UNC13C: variants seen among roughly 807,000 people sequenced by gnomAD.
UNC13C encodes protein unc-13 homolog C.
A neutral mutation model predicts 245.4 loss-of-function variants in UNC13C; 174 were observed. That is an observed-to-expected ratio of 0.71 (90% CI 0.63 to 0.80). The LOEUF (loss-of-function observed/expected upper bound fraction) is 0.80. UNC13C is among the 30% of genes least tolerant of loss of function. The pLI is 0.00. For missense variants in UNC13C, 2,829 were observed against 2,602.9 expected (o/e 1.09, Z -1.89); for synonymous variants, 992 against 895.1 (o/e 1.11, Z -1.93).
At chr15:54,210,746 G>A (rs1322747925) in intron 4 of UNC13C, among the ~76,000 whole-genome samples, 4 of 152,102 alleles carry the variant, frequency 2.6e-5, no homozygotes, top group Non-Finnish European at 5.9e-5. Flanking sequence ...CTGATACAAA[G>A]GTCAGAGACA....
At chr15:53,972,636 A>T in the UNC13C span, 1 of 152,180 alleles carries the variant, frequency 6.6e-6, no homozygotes, top group Non-Finnish European at 1.5e-5. Context: ...AAAATTTTGA[A>T]TCCATGCAGT....
At chr15:54,135,239 C>A (rs903973319) in intron 2 of UNC13C, among the ~76,000 whole-genome samples, 2 of 152,136 alleles carry the variant, frequency 1.3e-5, no homozygotes, top group Non-Finnish European at 2.9e-5. Context: ...AATATTTTCT[C>A]CCATTTCACG....
intron 19 of UNC13C, among the ~76,000 whole-genome samples, chr15:54,433,004 A>G (rs1475620000): frequency 6.6e-6 from 1 of 152,132 alleles, no homozygotes; most frequent in Non-Finnish European, 1.5e-5. Context: ...GAAGAAATGG[A>G]TAAATTCATT....
chr15:54,288,627 A>G (rs187275639), intron 10 of UNC13C, among the ~76,000 whole-genome samples: 253 of 152,164 alleles, frequency 1.7e-3, no homozygotes, highest in South Asian at 4.1e-3. Context: ...GAAATTGCAT[A>G]AAACTAAAAA....
intron 19 of UNC13C, among the ~76,000 whole-genome samples, chr15:54,489,467 G>A (rs975032144): frequency 2.6e-5 from 4 of 152,164 alleles, no homozygotes; most frequent in Non-Finnish European, 5.9e-5. Context: ...ACAGGGCAAG[G>A]AGACAGCCTC....
rs890292606 is a variant in UNC13C at position 54,283,496 on chromosome 15, G to C, written c.3819-10399G>C. ...AATTGATTATGATTTTATTGTATCA[G>C]TATATATACATTATTTAATCAATCT... On this transcript the variant is annotated intron_variant, in intron 10 of 32. Transcript: ENST00000260323. 2.0e-5 allele frequency among the ~76,000 whole-genome samples: 3 copies of C among 151,870 alleles called. No individual in the cohort carries two copies. The East Asian group carries it at 5.8e-4, about 29-fold the overall frequency.
chr15:54,027,265 C>T (rs935018004), intron 2 of UNC13C, among the ~76,000 whole-genome samples: 6 of 151,634 alleles, frequency 4.0e-5, no homozygotes, highest in South Asian at 2.1e-4. Flanking sequence ...TTGAATTTTT[C>T]GGAGATTTTA....
At chr15:54,164,190 C>T (rs9920050) in intron 4 of UNC13C, among the ~76,000 whole-genome samples, 97,498 of 152,006 alleles carry the variant, frequency 0.64, 32,617 homozygotes, top group African/African-American at 0.84. Context: ...AAGGTAATTA[C>T]ATGTAAATAG....
At chr15:54,066,279 C>T (rs1566987286) in intron 2 of UNC13C, among the ~76,000 whole-genome samples, 1 of 152,182 alleles carries the variant, frequency 6.6e-6, no homozygotes, top group Non-Finnish European at 1.5e-5. Flanking sequence ...CAGCCTAGCA[C>T]ATAATAAGAG....
the UNC13C span, among the ~76,000 whole-genome samples, chr15:53,969,310 A>G: frequency 2.0e-5 from 3 of 152,168 alleles, no homozygotes; most frequent in Admixed American, 6.5e-5. Flanking sequence ...CTCAGGGTGG[A>G]GAGAGTTGCA....
At chr15:54,248,789 A>C (rs1333571291) in intron 7 of UNC13C, among the ~76,000 whole-genome samples, 1 of 152,156 alleles carries the variant, frequency 6.6e-6, no homozygotes, top group Non-Finnish European at 1.5e-5. Context: ...CTAGCCATTC[A>C]AAATTAGAAA....
At position 54,519,615 on chromosome 15, in the gene UNC13C, A is replaced by G. The variant is rs118011464; in HGVS notation, c.5458-5934A>G. ...GCATAACATTCATGCAAATCTGAAT[A>G]GGATAAAGAAAATGCCATAGTCTGT... On this transcript the variant is annotated intron_variant, in intron 24 of 32. Coordinates refer to ENST00000260323, the MANE Select transcript of UNC13C (RefSeq NM_001080534.3). Among the ~76,000 whole-genome samples the G allele has an allele frequency of 1.8e-4, 28 of 152,344 alleles. 1 individual carries two copies. The East Asian group carries it at 5.0e-3, about 27-fold the overall frequency.
At chr15:54,095,287 G>A (rs1899795550) in intron 2 of UNC13C, among the ~76,000 whole-genome samples, 1 of 152,078 alleles carries the variant, frequency 6.6e-6, no homozygotes, top group African/African-American at 2.4e-5. Context: ...TAGGCTTAAT[G>A]GTTGAAAAAG....
At position 54,112,409 on chromosome 15, in the gene UNC13C, A is replaced by C. The variant is rs990517458; in HGVS notation, c.2984-30609A>C. Among the ~76,000 whole-genome samples, 4 of 152,262 alleles carry C rather than the reference A, an allele frequency of 2.6e-5. No individual in the cohort carries two copies. In the East Asian group the frequency reaches 7.7e-4, roughly 29 times the overall value. On this transcript the variant is annotated intron_variant, in intron 2 of 32. Coordinates refer to ENST00000260323, the MANE Select transcript of UNC13C (RefSeq NM_001080534.3). Reference sequence around the variant, plus strand: ...GGTGTCTGATTTACATAGGGCCCAAAGATTGGCCCAGGCATGATGTTTACA... The same window carrying C: ...GGTGTCTGATTTACATAGGGCCCAACGATTGGCCCAGGCATGATGTTTACA...
chr15:53,862,712 C>T, the UNC13C span, among the ~76,000 whole-genome samples: 2 of 152,108 alleles, frequency 1.3e-5, no homozygotes, highest in African/African-American at 2.4e-5. Flanking sequence ...GCCACACTCA[C>T]GTTGGGGAGA....
intron 2 of UNC13C, among the ~76,000 whole-genome samples, chr15:54,080,946 C>T (rs1001134578): frequency 2.0e-5 from 3 of 151,836 alleles, no homozygotes; most frequent in Admixed American, 6.6e-5. Context: ...AGGCATTTAG[C>T]GCTATAAAAT....
At chr15:54,613,006 T>G (rs779004471) in intron 30 of UNC13C, among the ~76,000 whole-genome samples, 3 of 151,904 alleles carry the variant, frequency 2.0e-5, no homozygotes, top group Non-Finnish European at 4.4e-5. Flanking sequence ...AGAGGTTATA[T>G]TCACATAAAA....
intron 4 of UNC13C, among the ~76,000 whole-genome samples, chr15:54,183,053 T>C (rs1277216945): frequency 2.0e-5 from 3 of 152,018 alleles, no homozygotes; most frequent in African/African-American, 7.2e-5. Context: ...AATAGATGAT[T>C]CAAGCTAGTA....
the UNC13C span, among the ~76,000 whole-genome samples, chr15:53,902,979 A>T: frequency 0.11 from 17,028 of 152,202 alleles, 1,084 homozygotes; most frequent in East Asian, 0.26. Context: ...GCTGGGACAT[A>T]GTTTCTGATG....
Sources: gnomAD v4.1 joint callset for allele counts (sites outside exome capture counted in the v4.1 genomes callset) on GRCh38, gnomAD v4.1.1 for gene constraint, MANE v1.5 for transcripts, NCBI Gene and HGNC (gene_info 2026-07-23, HGNC 2026-07-21) for gene names.